ENAH: variants seen among roughly 807,000 people sequenced by gnomAD.
ENAH encodes ENAH actin regulator, also known as protein enabled homolog.
ENAH carries 23 observed loss-of-function variants against 78.7 expected under a neutral mutation model. That is an observed-to-expected ratio of 0.29 (90% CI 0.21 to 0.41). The LOEUF (loss-of-function observed/expected upper bound fraction) is 0.41, where lower values mean the gene tolerates loss of function less well. Ranked by LOEUF, ENAH falls within the 10% of genes least tolerant of loss-of-function variation. The pLI is 1.00. For missense variants in ENAH, 544 were observed against 691.0 expected (o/e 0.79, Z 2.39); for synonymous variants, 226 against 241.0 (o/e 0.94, Z 0.58).
At chr1:225,567,637 G>C (rs1391816282) in intron 1 of ENAH, among the ~76,000 whole-genome samples, 3 of 152,080 alleles carry the variant, frequency 2.0e-5, no homozygotes, top group African/African-American at 7.2e-5. Flanking sequence ...AAGGAGAGCA[G>C]GATCCACGAA....
chr1:225,616,875 AG>A (rs1176751765), intron 1 of ENAH, among the ~76,000 whole-genome samples: 1 of 152,134 alleles, frequency 6.6e-6, no homozygotes, highest in African/African-American at 2.4e-5. Flanking sequence ...TGAGGCGGGC[AG>A]ATCACCTGAG....
intron 4 of ENAH, among the ~76,000 whole-genome samples, chr1:225,527,235 C>T (rs1015763956): frequency 7.9e-5 from 12 of 152,156 alleles, no homozygotes; most frequent in African/African-American, 2.2e-4. Flanking sequence ...GCCAGTTAAA[C>T]AGCCAAAGTT....
At chr1:225,545,887 C>T (rs1401443733) in intron 3 of ENAH, among the ~76,000 whole-genome samples, 2 of 142,434 alleles carry the variant, frequency 1.4e-5, no homozygotes, top group African/African-American at 2.6e-5. Context: ...CTTATTAGCT[C>T]TAATGATTAG....
chr1:225,514,493 G>C (rs1187501098), intron 7 of ENAH, 103 bp downstream of exon 7: 1 of 979,272 alleles, frequency 1.0e-6, no homozygotes, highest in Non-Finnish European at 1.6e-6. Flanking sequence ...TTAAATCAAT[G>C]AAGTTCATAA....
chr1:225,580,903 G>GA (rs2096813379), intron 1 of ENAH, among the ~76,000 whole-genome samples: 2 of 29,652 alleles, frequency 6.7e-5, no homozygotes, highest in East Asian at 9.4e-4. Context: ...TCTGTCTCAA[G>GA]AAAAAAACCA....
At chr1:225,563,942 G>A (rs909685943) in intron 2 of ENAH, among the ~76,000 whole-genome samples, 16 of 152,138 alleles carry the variant, frequency 1.1e-4, no homozygotes, top group African/African-American at 3.1e-4. Context: ...GGTCTATCAC[G>A]TTTTCCTACT....
chr1:225,535,463 T>C (rs1422633156), intron 3 of ENAH: 6 of 1,238,390 alleles, frequency 4.8e-6, no homozygotes, highest in East Asian at 5.7e-5. Context: ...GCAAGTAGCA[T>C]GTACCACAGC....
At chr1:225,500,346 TTTTTC>T (rs1469476859) in intron 12 of ENAH, among the ~76,000 whole-genome samples, 3 of 152,218 alleles carry the variant, frequency 2.0e-5, no homozygotes, top group Non-Finnish European at 4.4e-5. Context: ...GGACAGTATC[TTTTTC>T]TTTTTTATAA....
intron 1 of ENAH, among the ~76,000 whole-genome samples, chr1:225,597,601 T>TGAG (rs1575661315): frequency 7.2e-6 from 1 of 138,660 alleles, no homozygotes; most frequent in East Asian, 2.1e-4. Context: ...CAGGCTGCAG[T>TGAG]TAGCCATGAC....
chr1:225,645,916 T>C (rs1423207298), intron 1 of ENAH, among the ~76,000 whole-genome samples: 1 of 152,224 alleles, frequency 6.6e-6, no homozygotes, highest in Non-Finnish European at 1.5e-5. Context: ...TAGATATACA[T>C]ACATTGCCTC....
chr1:225,544,972 T>C lies in ENAH; in HGVS notation c.349+9934A>G, dbSNP rs79817307. Among the ~76,000 whole-genome samples the C allele has an allele frequency of 8.8e-3, 1,340 of 152,290 alleles. 8 individuals carry two copies. Among genetic ancestry groups the C allele is most frequent in the Non-Finnish European group, 0.016 (1,073 of 68,020 alleles). On this transcript the variant is annotated intron_variant, in intron 3 of 13. Transcript: ENST00000366843. ...CTAATTGCTGGGCAATTTTTATATA[T>C]TAAGCATCAAAAAGGCCATCAGACC... is the stretch of plus-strand genomic sequence containing the variant.
In ENAH at chr1:225,648,317, C is replaced by T. The variant is rs139692670; in HGVS notation, c.5+4369G>A. 5.1e-4 allele frequency among the ~76,000 whole-genome samples: 77 copies of T among 152,268 alleles called. No homozygotes were observed. The East Asian group carries it at 0.013, about 26-fold the overall frequency. The stretch of plus-strand genomic sequence containing the variant: ...CACATTTTTTCAAATCTTTCTTACA[C>T]TCATGATACAGACTAGATATTTTAC... On this transcript the variant is annotated intron_variant, in intron 1 of 13. Transcript: ENST00000366843.
intron 1 of ENAH, among the ~76,000 whole-genome samples, chr1:225,590,930 G>A (rs1017717088): frequency 1.3e-5 from 2 of 152,106 alleles, no homozygotes; most frequent in African/African-American, 4.8e-5. Flanking sequence ...TTTCTGCAAA[G>A]GAGAATCTAG....
At chr1:225,565,340 C>CA (rs1442967604) in intron 2 of ENAH, among the ~76,000 whole-genome samples, 2 of 152,038 alleles carry the variant, frequency 1.3e-5, no homozygotes, top group Non-Finnish European at 2.9e-5. Context: ...GAGGCTGAGG[C>CA]AGGAGAATCG....
At chr1:225,563,107 C>T (rs1333618894) in intron 2 of ENAH, among the ~76,000 whole-genome samples, 4 of 152,072 alleles carry the variant, frequency 2.6e-5, no homozygotes, top group Admixed American at 1.3e-4. Flanking sequence ...ATTGCTTATA[C>T]AAAAATGCGA....
chr1:225,512,707 T>C lies in ENAH; in HGVS notation c.1372A>G (p.Ile458Val). 1 of 1,613,800 alleles carries C rather than the reference T, an allele frequency of 6.2e-7. No individual in the cohort carries two copies. Among genetic ancestry groups the C allele is most frequent in the Non-Finnish European group, 8.5e-7 (1 of 1,179,890 alleles). The change falls in exon 9 of 14, where the codon ATT becomes GTT. Residue 458 changes from isoleucine to valine, a missense_variant. Around this residue, in one of 4 missense-constraint regions of ENAH, gnomAD observed 4 missense variants for 18.7 expected, o/e 0.21. Coordinates refer to ENST00000366843, the MANE Select transcript of ENAH (RefSeq NM_018212.6). The stretch of plus-strand genomic sequence containing the variant: ...TCTATTGTTGATCCCTTTTCAGCAA[T>C]TCTTCTCCTACAAAGAAGGCAAATC... ...MSALLARRRRIAEKGSTIETE... is the reference protein window; with the variant it reads ...MSALLARRRRVAEKGSTIETE...
chr1:225,602,903 C>A (rs1476193667), intron 1 of ENAH, among the ~76,000 whole-genome samples: 2 of 151,806 alleles, frequency 1.3e-5, no homozygotes, highest in Non-Finnish European at 2.9e-5. Context: ...CAGTTTGATT[C>A]TTTAAAGAAT....
intron 1 of ENAH, among the ~76,000 whole-genome samples, chr1:225,636,298 A>G (rs915094238): frequency 3.3e-4 from 50 of 152,234 alleles, no homozygotes; most frequent in African/African-American, 1.2e-3. Flanking sequence ...CTAACAGTCA[A>G]TATGTTACAG....
chr1:225,593,411 G>T (rs1269906282), intron 1 of ENAH, among the ~76,000 whole-genome samples: 4,072 of 123,846 alleles, frequency 0.033, 272 homozygotes, highest in South Asian at 0.078. Context: ...GGGGGGGGGG[G>T]GGGGGGTGGG....
Sources: gnomAD v4.1 joint callset for allele counts (sites outside exome capture counted in the v4.1 genomes callset) on GRCh38, gnomAD v4.1.1 for gene constraint, gnomAD v4.1.1 regional missense constraint, MANE v1.5 for transcripts, NCBI Gene and HGNC (gene_info 2026-07-23, HGNC 2026-07-21) for gene names.